Variants in YEATS4 observed in about 807,000 individuals in gnomAD.
The protein encoded by YEATS4 is YEATS domain-containing protein 4.
YEATS4 carries 17 observed loss-of-function variants against 30.1 expected under a neutral mutation model. That is an observed-to-expected ratio of 0.56 (90% confidence interval 0.39 to 0.85). The LOEUF is 0.85. Ranked by LOEUF, YEATS4 falls within the 40% of genes least tolerant of loss-of-function variation. The pLI, the probability that YEATS4 is intolerant of heterozygous loss-of-function variation, is 0.00. For missense variants in YEATS4, 142 were observed against 268.3 expected (o/e 0.53, Z 3.29); for synonymous variants, 85 against 87.5 (o/e 0.97, Z 0.16).
chr12:69,411,356 A>G, the YEATS4 span, among the ~76,000 whole-genome samples: 8 of 152,046 alleles, frequency 5.3e-5, no homozygotes, highest in African/African-American at 1.4e-4. Flanking sequence ...TCTCGAACTC[A>G]TGGGCACAAG....
intron 4 of YEATS4, among the ~76,000 whole-genome samples, chr12:69,366,874 G>T (rs535161490): frequency 6.6e-6 from 1 of 152,288 alleles, no homozygotes; most frequent in African/African-American, 2.4e-5. Flanking sequence ...TGAGGTGCTT[G>T]CTTATTTATT....
chr12:69,409,190 T>G, the YEATS4 span, among the ~76,000 whole-genome samples: 1 of 152,212 alleles, frequency 6.6e-6, no homozygotes, highest in African/African-American at 2.4e-5. Context: ...ATTCAACCTC[T>G]CTGTGCCTTA....
At chr12:69,418,965 A>G in the YEATS4 span, among the ~76,000 whole-genome samples, 1 of 149,228 alleles carries the variant, frequency 6.7e-6, no homozygotes, top group South Asian at 2.1e-4. Flanking sequence ...TGTACTAAAT[A>G]TGTTTTATAT....
the YEATS4 span, among the ~76,000 whole-genome samples, chr12:69,415,235 A>C: frequency 6.6e-6 from 1 of 152,218 alleles, no homozygotes; most frequent in African/African-American, 2.4e-5. Flanking sequence ...TTCAGTGGGC[A>C]AAAGTCCAGT....
At chr12:69,412,634 T>C in the YEATS4 span, among the ~76,000 whole-genome samples, 2 of 151,612 alleles carry the variant, frequency 1.3e-5, no homozygotes, top group Admixed American at 6.6e-5. Context: ...GCCTGGGCGA[T>C]AGAGCAAGAC....
At chr12:69,392,333 C>T (rs572156724), downstream of YEATS4, among the ~76,000 whole-genome samples, 37 of 152,250 alleles carry the variant, frequency 2.4e-4, no homozygotes, top group South Asian at 5.6e-3. Flanking sequence ...GGCAATTCTT[C>T]AAAAAGTTAA....
the YEATS4 span, among the ~76,000 whole-genome samples, chr12:69,403,895 A>G: frequency 6.7e-6 from 1 of 149,984 alleles, no homozygotes; most frequent in African/African-American, 2.4e-5. Context: ...TTACTTGAAA[A>G]TTCCTTTCTC....
At chr12:69,366,593 G>C (rs1377096662) in intron 4 of YEATS4, among the ~76,000 whole-genome samples, 3 of 152,018 alleles carry the variant, frequency 2.0e-5, no homozygotes, top group Non-Finnish European at 2.9e-5. Flanking sequence ...AAACCACTAG[G>C]CCTTTTTTTT....
At chr12:69,374,854 C>T (rs943830493) in intron 6 of YEATS4, among the ~76,000 whole-genome samples, 9 of 152,154 alleles carry the variant, frequency 5.9e-5, no homozygotes, top group Admixed American at 1.3e-4. Context: ...TCGACAAAAC[C>T]GCCATCGTCA....
chr12:69,393,681 T>C (rs1241905875), downstream of YEATS4, among the ~76,000 whole-genome samples: 1 of 152,140 alleles, frequency 6.6e-6, no homozygotes, highest in East Asian at 1.9e-4. Context: ...TAGGAATCTC[T>C]TGAGAGTTGC....
chr12:69,421,506 A>T, the YEATS4 span, among the ~76,000 whole-genome samples: 106 of 152,354 alleles, frequency 7.0e-4, 1 homozygote, highest in East Asian at 0.017. Context: ...TAGGAGAACC[A>T]GGAACATAAG....
At chr12:69,418,693 C>A in the YEATS4 span, among the ~76,000 whole-genome samples, 1 of 152,140 alleles carries the variant, frequency 6.6e-6, no homozygotes. Flanking sequence ...TAACTCTCAT[C>A]TGTTTCATAC....
At chr12:69,362,111 A>G (rs898992047) in intron 1 of YEATS4, among the ~76,000 whole-genome samples, 2 of 138,042 alleles carry the variant, frequency 1.4e-5, no homozygotes, top group Non-Finnish European at 3.0e-5. Flanking sequence ...TCTGCCTCCC[A>G]GGTTCAAGCA....
the YEATS4 span, among the ~76,000 whole-genome samples, chr12:69,413,098 T>A: frequency 6.6e-6 from 1 of 152,132 alleles, no homozygotes; most frequent in East Asian, 1.9e-4. Context: ...GAAGTTTGGG[T>A]TCATTAAATC....
At chr12:69,398,456 A>G in the YEATS4 span, among the ~76,000 whole-genome samples, 1 of 152,208 alleles carries the variant, frequency 6.6e-6, no homozygotes, top group Non-Finnish European at 1.5e-5. Flanking sequence ...TTCATTTATA[A>G]TAACATCTAA....
At chr12:69,388,057 A>T (rs11177638) in intron 6 of YEATS4, among the ~76,000 whole-genome samples, 774 of 65,960 alleles carry the variant, frequency 0.012, 4 homozygotes, top group African/African-American at 0.041. Flanking sequence ...TATTTTTTTT[A>T]TTTTTATTTT....
At chr12:69,372,782 C>T (rs1875697823) in intron 6 of YEATS4, among the ~76,000 whole-genome samples, 1 of 152,100 alleles carries the variant, frequency 6.6e-6, no homozygotes, top group African/African-American at 2.4e-5. Flanking sequence ...AGTTAATCCA[C>T]CCACCTTGGC....
At chr12:69,380,399 C>T (rs1876029481) in intron 6 of YEATS4, among the ~76,000 whole-genome samples, 1 of 152,202 alleles carries the variant, frequency 6.6e-6, no homozygotes, top group African/African-American at 2.4e-5. Context: ...CAGAAGAATC[C>T]TCTGGATTAG....
At position 69,370,808 on chromosome 12, in the gene YEATS4, T is replaced by G. The variant is rs779829934; in HGVS notation, c.426+10T>G. On this transcript the variant is annotated intron_variant, in intron 5 of 6. Transcript: ENST00000247843. ...GTTCTATGATGAAATGGTAAGAAGA[T>G]TTTATAATGATAGTTTTAAAAGCAT... 1.8e-5 allele frequency: 29 copies of G among 1,596,822 alleles called. No homozygotes were observed. The highest frequency in any genetic ancestry group is 2.4e-5 in the Non-Finnish European group (28 of 1,174,786).
Sources: gnomAD v4.1 joint callset for allele counts (sites outside exome capture counted in the v4.1 genomes callset) on GRCh38, gnomAD v4.1.1 for gene constraint, MANE v1.5 for transcripts, NCBI Gene and HGNC (gene_info 2026-07-23, HGNC 2026-07-21) for gene names.